Variants in SLX4 observed in about 807,000 individuals in gnomAD.
The protein encoded by SLX4 is structure-specific endonuclease subunit SLX4.
SLX4 carries 112 observed loss-of-function variants against 146.2 expected under a neutral mutation model. The ratio of observed to expected loss-of-function variants is 0.77; its 90% CI spans 0.66 to 0.90. The LOEUF (loss-of-function observed/expected upper bound fraction) is 0.90, where lower values mean the gene tolerates loss of function less well. Among genes scored for constraint, SLX4 ranks in the 40% least tolerant of loss-of-function variants. The pLI is 0.00. For missense variants in SLX4, 2,563 were observed against 2,392.7 expected, an observed-to-expected ratio of 1.07 and a Z score of -1.49; for synonymous variants, 1,061 against 997.7, an observed-to-expected ratio of 1.06 and a Z score of -1.20.
In SLX4 at chr16:3,592,761, G is replaced by C; in HGVS notation, c.2265C>G (p.Leu755=). Residue 755 remains leucine (L), a synonymous_variant, in exon 11 of 15, where the codon CTC becomes CTG. Coordinates refer to ENST00000294008, the MANE Select transcript of SLX4 (RefSeq NM_032444.4). ...GAGGAAGGCCAGTGTCCGCAGTGTA[G>C]AGATAGTGCAGGAACGTGCGGGCGG... ...TEAARTFLHY[L]YTADTGLPPG... is the part of the protein sequence containing the mutation. 1.2e-6 allele frequency: 2 copies of C among 1,613,264 alleles called. No individual in the cohort carries two copies. The highest frequency in any genetic ancestry group is 1.7e-6 in the Non-Finnish European group (2 of 1,180,030).
rs141625470 is a variant in SLX4 at position 3,597,877 on chromosome 16, C to T, written c.1286G>A (p.Arg429Gln). 38 of 1,613,986 alleles carry T rather than the reference C, an allele frequency of 2.4e-5. No homozygotes were observed. Among genetic ancestry groups the T allele is most frequent in the African/African-American group, 5.3e-5 (4 of 74,922 alleles). Residue 429 changes from arginine to glutamine, a missense_variant, in exon 6 of 15, where the codon CGG becomes CAG. Physicochemically the swap from Arg to Gln is conservative, Grantham distance 43. Coordinates refer to ENST00000294008, the MANE Select transcript of SLX4 (RefSeq NM_032444.4). The surrounding 1 kb of genome is among the most constrained non-coding windows in gnomAD (Gnocchi z 4.4). ...EDLLVAMALS[R>Q]SEMEPGAAVP... ...AGCCGCACCCGGCTCCATCTCCGAC[C>T]GGGACAGAGCCATGGCCACCAGCAG...
At position 3,594,549 on chromosome 16, in the gene SLX4, T is replaced by C; in HGVS notation, c.2064A>G (p.Pro688=). Reference sequence around the variant, plus strand: ...TCTGAAACTGGACATCACTCAGGTGTGGGTTATTGACCATGGCGCCAAAGT... The same window carrying C: ...TCTGAAACTGGACATCACTCAGGTGCGGGTTATTGACCATGGCGCCAAAGT... The part of the protein sequence containing the change: ...VADFGAMVNN[P]HLSDVQFQTD... The change falls in exon 10 of 15, where the codon CCA becomes CCG. Residue 688 remains proline, a synonymous_variant. Coordinates refer to ENST00000294008, the MANE Select transcript of SLX4 (RefSeq NM_032444.4). 1 of 1,613,976 alleles carries C rather than the reference T, an allele frequency of 6.2e-7. No homozygotes were observed. Among genetic ancestry groups the C allele is most frequent in the South Asian group, 1.1e-5 (1 of 91,066 alleles).
At position 3,601,059 on chromosome 16, in the gene SLX4, C is replaced by G. The variant is rs1361684518; in HGVS notation, c.1083G>C (p.Glu361Asp). 2 of 1,614,114 alleles carry G rather than the reference C, an allele frequency of 1.2e-6. No homozygotes were observed. Among genetic ancestry groups the G allele is most frequent in the African/African-American group, 1.3e-5 (1 of 75,038 alleles). ...CCTGAAGCAGGAGCTGGGGGCCAAC[C>G]TCCATCTTCACAGCACACTGCTTCA... Reference protein sequence around the residue: ...SHLKQCAVKMEVGPQLLLQAV... With the variant: ...SHLKQCAVKMDVGPQLLLQAV... The change falls in exon 5 of 15, where the codon GAG becomes GAC. Residue 361 changes from glutamate to aspartate, a missense_variant. By Grantham distance (45) the Glu-to-Asp change is conservative. Coordinates refer to ENST00000294008, the MANE Select transcript of SLX4 (RefSeq NM_032444.4).
rs752209638 is a variant in SLX4, at chr16:3,590,272, C to T, written c.3366G>A (p.Pro1122=). The T allele has an allele frequency of 7.1e-5, 115 of 1,613,976 alleles. No homozygotes were observed. The highest frequency in any genetic ancestry group is 5.4e-4 in the South Asian group (49 of 91,078). The change falls in exon 12 of 15, where the codon CCG becomes CCA. Residue 1122 remains proline (P), a synonymous_variant. Coordinates refer to ENST00000294008, the MANE Select transcript of SLX4 (RefSeq NM_032444.4). This position sits in a 1 kb window ranked among gnomAD's most constrained non-coding sequence, Gnocchi z 4.8. ...KGVLMFPEKS[P]SIDLTQSNPD... is the part of the protein sequence containing the mutation. ...GATTTGACTGGGTTAGGTCAATAGA[C>T]GGAGATTTTTCTGGGAACATCAGGA...
Position 3,597,253 on chromosome 16 carries a change from C to G in SLX4, c.1683+126G>C. On this transcript the variant is annotated intron_variant, in intron 7 of 14. Coordinates refer to ENST00000294008, the MANE Select transcript of SLX4 (RefSeq NM_032444.4). The surrounding 1 kb of genome is among the most constrained non-coding windows in gnomAD (Gnocchi z 4.4). ...TGCAGCCACCAAGTGCCCCTCTGGC[C>G]TCCTCCCGCCTCTGCCTTTCCTTCC... The G allele has an allele frequency of 1.8e-6, 2 of 1,127,788 alleles. No homozygotes were observed. Among genetic ancestry groups the G allele is most frequent in the South Asian group, 3.3e-5 (2 of 60,596 alleles). 69.9% of individuals were successfully genotyped at this position (1,127,788 alleles called of 1,614,324 possible).
At chr16:3,606,217 C>T (rs2040781013) in intron 3 of SLX4, among the ~76,000 whole-genome samples, 1 of 152,040 alleles carries the variant, frequency 6.6e-6, no homozygotes, top group Non-Finnish European at 1.5e-5. Context: ...TGTCACTGCA[C>T]TCCAGCCTGG....
In SLX4 at chr16:3,601,032, A is replaced by T; in HGVS notation, c.1110T>A (p.Ala370=). The change falls in exon 5 of 15, where the codon GCT becomes GCA. Residue 370 remains alanine, a synonymous_variant. Transcript: ENST00000294008. The stretch of plus-strand genomic sequence containing the variant: ...CAGGCTGTGCTGTCTGCAGCCGCAC[A>T]GCCTGAAGCAGGAGCTGGGGGCCAA... The part of the protein sequence containing the change: ...MEVGPQLLLQ[A]VRLQTAQPEG... 6.2e-7 allele frequency: 1 copy of T among 1,614,008 alleles called. No individual in the cohort carries two copies. Among genetic ancestry groups the T allele is most frequent in the Non-Finnish European group, 8.5e-7 (1 of 1,180,032 alleles).
rs574928535 is a variant in SLX4 at position 3,589,791 on chromosome 16, C to T, written c.3847G>A (p.Ala1283Thr). Reference protein sequence around the residue: ...TQISSLRSGLAVQAVTQHTPR... With the variant: ...TQISSLRSGLTVQAVTQHTPR... ...GTGTGCTGAGTCACCGCCTGCACGG[C>T]CAGCCCGCTCCTGAGGCTGCTGATT... Residue 1283 changes from alanine (A) to threonine (T), a missense_variant, in exon 12 of 15, where the codon GCC becomes ACC. By Grantham distance (58) the Ala-to-Thr change is moderately conservative. Coordinates refer to ENST00000294008, the MANE Select transcript of SLX4 (RefSeq NM_032444.4). This position sits in a 1 kb window ranked among gnomAD's most constrained non-coding sequence, Gnocchi z 6.2. The T allele has an allele frequency of 8.7e-6, 14 of 1,613,400 alleles. No individual in the cohort carries two copies. Among genetic ancestry groups the T allele is most frequent in the Middle Eastern group, 1.6e-4 (1 of 6,062 alleles).
chr16:3,582,131 C>G lies in SLX4; in HGVS notation c.*211G>C. On this transcript the variant is annotated 3_prime_UTR_variant, in exon 15 of 15. Transcript: ENST00000294008. The stretch of plus-strand genomic sequence containing the variant: ...TGGAGTCTGTAAATCCAGTGGGTGA[C>G]ATGCTCCAAATGCCACCCTAGAAAG... 1.7e-6 allele frequency: 1 copy of G among 598,232 alleles called. No homozygotes were observed. The highest frequency in any genetic ancestry group is 2.8e-5 in the East Asian group (1 of 36,168). 37.1% of individuals were successfully genotyped at this position (598,232 alleles called of 1,614,324 possible).
intron 10 of SLX4, among the ~76,000 whole-genome samples, chr16:3,593,971 A>T (rs979116413): frequency 2.6e-5 from 4 of 152,122 alleles, no homozygotes; most frequent in African/African-American, 7.2e-5. Context: ...TCCCAGGTTC[A>T]TGCCATTCTC....
chr16:3,600,591 CTTTTTTTTTTTTTTTTTT>C (rs974875930), intron 5 of SLX4: 25 of 102,616 alleles, frequency 2.4e-4, no homozygotes, highest in African/African-American at 7.4e-4. Context: ...CTATAAAAAG[CTTTTTTTTTTTTTTTTTT>C]TTTTTTTTTT....
chr16:3,602,411 C>T (rs906286755), intron 3 of SLX4, 104 bp from the exon 4 acceptor site: 162 of 1,376,678 alleles, frequency 1.2e-4, no homozygotes, highest in Middle Eastern at 7.1e-4. Flanking sequence ...GCAGGTGGAA[C>T]GCAAAGAAAC....
chr16:3,590,428 G>A lies in SLX4; in HGVS notation c.3210C>T (p.Ser1070=), dbSNP rs775030838. 3.1e-6 allele frequency: 5 copies of A among 1,614,088 alleles called. No individual in the cohort carries two copies. Among genetic ancestry groups the A allele is most frequent in the East Asian group, 2.2e-5 (1 of 44,888 alleles). ...GCACAGCTGGAGACAGCAAGGTTGG[G>A]GAGCCCACCTGGGAAGTTCCGCCAC... ...RSRGGTSQVG[S]PTLLSPAVPS... The change falls in exon 12 of 15, where the codon TCC becomes TCT. Residue 1070 remains serine (S), a synonymous_variant. Transcript: ENST00000294008. The surrounding 1 kb of genome is among the most constrained non-coding windows in gnomAD (Gnocchi z 4.8).
chr16:3,585,769 G>T (rs2151118758), intron 12 of SLX4, among the ~76,000 whole-genome samples: 1 of 138,668 alleles, frequency 7.2e-6, no homozygotes, highest in Admixed American at 7.6e-5. Context: ...AACACAGAGG[G>T]TTTGGGCAAA....
At position 3,590,851 on chromosome 16, in the gene SLX4, C is replaced by T. The variant is rs766824198; in HGVS notation, c.2787G>A (p.Pro929=). 4.5e-5 allele frequency: 73 copies of T among 1,613,986 alleles called. No individual in the cohort carries two copies. Among genetic ancestry groups the T allele is most frequent in the East Asian group, 8.9e-5 (4 of 44,886 alleles). The change falls in exon 12 of 15, where the codon CCG becomes CCA. Residue 929 remains proline (P), a synonymous_variant. Transcript: ENST00000294008. This position sits in a 1 kb window ranked among gnomAD's most constrained non-coding sequence, Gnocchi z 4.8. The stretch of plus-strand genomic sequence containing the variant: ...CCCCTGAGTGCTGGCCCTGGGGTGG[C>T]GGGAGAGCGCACTGTCCCATCTTCT... The part of the protein sequence containing the change: ...TWEKMGQCAL[P]PPQGQHSGAR...
Position 3,594,528 on chromosome 16 carries a change from A to C in SLX4, c.2085T>G (p.Phe695Leu). Residue 695 changes from phenylalanine (F) to leucine (L), a missense_variant, in exon 10 of 15, where the codon TTT becomes TTG. Coordinates refer to ENST00000294008, the MANE Select transcript of SLX4 (RefSeq NM_032444.4). ...VNNPHLSDVQ[F>L]QTDSGEVLYA... ...AAAGCACCTCCCCGCTGTCCGTCTGAAACTGGACATCACTCAGGTGTGGGT... is the reference window on the plus strand; with the variant it reads ...AAAGCACCTCCCCGCTGTCCGTCTGCAACTGGACATCACTCAGGTGTGGGT... 6.2e-7 allele frequency: 1 copy of C among 1,614,154 alleles called. No homozygotes were observed. The highest frequency in any genetic ancestry group is 1.7e-5 in the Admixed American group (1 of 60,016).
chr16:3,594,119 G>A (rs58407102), intron 10 of SLX4, among the ~76,000 whole-genome samples: 9,540 of 151,998 alleles, frequency 0.063, 314 homozygotes, highest in Admixed American at 0.073. Context: ...TGCCCGCCTC[G>A]GCCTCCCAAA....
In SLX4 at chr16:3,591,254, G is replaced by GA. The variant is rs2040591029; in HGVS notation, c.2383dup (p.Ser795PhefsTer32). ...CTTCTCCTCCCATGGTTTGCCCTCTGAGTCAGTGGCAATAGGCACCTGTTC... is the reference window on the plus strand; with the variant it reads ...CTTCTCCTCCCATGGTTTGCCCTCTGAAGTCAGTGGCAATAGGCACCTGTTC... On this transcript the variant is annotated frameshift_variant, in exon 12 of 15. Coordinates refer to ENST00000294008, the MANE Select transcript of SLX4 (RefSeq NM_032444.4). LOFTEE classifies it high-confidence loss of function. 1 of 1,612,962 alleles carries GA rather than the reference G, an allele frequency of 6.2e-7. No homozygotes were observed. Among genetic ancestry groups the GA allele is most frequent in the African/African-American group, 1.3e-5 (1 of 74,914 alleles).
Position 3,602,118 on chromosome 16 carries a change from C to T in SLX4, c.950G>A (p.Arg317Lys). Residue 317 changes from arginine (R) to lysine (K), a missense_variant and splice_region_variant, in exon 4 of 15, where the codon AGG becomes AAG. Physicochemically the swap from Arg to Lys is conservative, Grantham distance 26. Coordinates refer to ENST00000294008, the MANE Select transcript of SLX4 (RefSeq NM_032444.4). ...NVTRREQHVN[R>K]CLDEAEKTLR... ...AGGCGACGGCCCAAGCTGCCCCCAC[C>T]TGTTCACATGCTGTTCCCTTCGGGT... 1 of 1,614,128 alleles carries T rather than the reference C, an allele frequency of 6.2e-7. No homozygotes were observed. Among genetic ancestry groups the T allele is most frequent in the Non-Finnish European group, 8.5e-7 (1 of 1,180,036 alleles).
Sources: gnomAD v4.1 joint callset for allele counts (sites outside exome capture counted in the v4.1 genomes callset) on GRCh38, gnomAD v4.1.1 for gene constraint, Gnocchi (gnomAD v3.1) non-coding constraint, MANE v1.5 for transcripts, NCBI Gene and HGNC (gene_info 2026-07-23, HGNC 2026-07-21) for gene names.